Variants in RUFY4 observed in about 807,000 individuals in gnomAD.
The protein encoded by RUFY4 is RUN and FYVE domain-containing protein 4.
RUFY4 carries 73 observed loss-of-function variants against 69.0 expected under a neutral mutation model. The ratio of observed to expected loss-of-function variants is 1.06; its 90% confidence interval spans 0.88 to 1.29. The LOEUF (loss-of-function observed/expected upper bound fraction) is 1.29, where lower values mean the gene tolerates loss of function less well. Among genes scored for constraint, RUFY4 ranks in the 50% most tolerant of loss-of-function variants. The pLI is 0.00. For synonymous variants in RUFY4, 287 were observed against 271.8 expected (o/e 1.06, Z -0.55); for missense variants, 770 against 705.6 (o/e 1.09, Z -1.03).
intron 2 of RUFY4, among the ~76,000 whole-genome samples, chr2:218,045,747 C>A (rs1163827345): frequency 6.6e-6 from 1 of 151,640 alleles, no homozygotes; most frequent in Admixed American, 6.6e-5. Flanking sequence ...TTTTCTCCTT[C>A]TTTTTTAAAA....
chr2:218,062,267 A>G lies in RUFY4; in HGVS notation c.-1071+3586A>G, dbSNP rs951775643. ...ATTTTAAAAAAAAAATTAGCCGGGC[A>G]TGGTGGCGGGCACCTGTAGTCCCAG... On this transcript the variant is annotated intron_variant and NMD_transcript_variant, in intron 3 of 13. Transcript: ENST00000457754. 5.3e-5 allele frequency among the ~76,000 whole-genome samples: 8 copies of G among 152,238 alleles called. No individual in the cohort carries two copies. In the East Asian group the frequency reaches 5.8e-4, roughly 11 times the overall value.
chr2:218,073,890 C>T lies in RUFY4; in HGVS notation c.600+5C>T, dbSNP rs1344468517. ...AACAAAGATGCCCCAAAGAAGGTGCCTCTGCCCTGCCTTCACTCTGAGTTG... is the reference window on the plus strand; with the variant it reads ...AACAAAGATGCCCCAAAGAAGGTGCTTCTGCCCTGCCTTCACTCTGAGTTG... On this transcript the variant is annotated splice_donor_5th_base_variant and intron_variant, in intron 6 of 10. Coordinates refer to ENST00000344321, the Ensembl canonical transcript of RUFY4. 1.9e-6 allele frequency: 3 copies of T among 1,613,796 alleles called. No individual in the cohort carries two copies. The highest frequency in any genetic ancestry group is 1.6e-4 in the Middle Eastern group (1 of 6,062).
intron 8 of RUFY4, among the ~76,000 whole-genome samples, chr2:218,079,607 T>A (rs1437487558): frequency 6.6e-6 from 1 of 151,772 alleles, no homozygotes; most frequent in African/African-American, 2.4e-5. Flanking sequence ...GATCCTGGAG[T>A]CCTCAGAGTA....
rs376250080 is a variant in RUFY4, at chr2:218,082,004, G to A, written c.1356-1106G>A. 1.9e-4 allele frequency among the ~76,000 whole-genome samples: 29 copies of A among 152,348 alleles called. No individual in the cohort carries two copies. The South Asian group carries it at 4.3e-3, about 23-fold the overall frequency. ...CACGTACATGCATCCTGAGCGCTGG[G>A]ACTCTCACGCATGCCACCTGCCATT... On this transcript the variant is annotated intron_variant, in intron 8 of 10. Coordinates refer to ENST00000344321, the Ensembl canonical transcript of RUFY4.
intron 3 of RUFY4, among the ~76,000 whole-genome samples, chr2:218,063,980 C>T (rs1689261540): frequency 6.6e-6 from 1 of 152,126 alleles, no homozygotes; most frequent in Non-Finnish European, 1.5e-5. Flanking sequence ...CGAGGGTCCC[C>T]AAACTCTAAG....
At chr2:218,072,739 C>A in intron 3 of RUFY4, 40 bp from the exon 6 acceptor site, 1 of 1,449,656 alleles carries the variant, frequency 6.9e-7, no homozygotes, top group South Asian at 1.4e-5. Context: ...CGCCCTTTGT[C>A]CTAATACTGC....
chr2:218,077,107 G>T lies in RUFY4; in HGVS notation c.1355+574G>T, dbSNP rs1463942216. 1.3e-5 allele frequency among the ~76,000 whole-genome samples: 2 copies of T among 152,198 alleles called. 1 individual carries two copies. The highest frequency in any genetic ancestry group is 3.8e-4 in the East Asian group (2 of 5,196). On this transcript the variant is annotated intron_variant, in intron 8 of 10. Coordinates refer to ENST00000344321, the Ensembl canonical transcript of RUFY4. ...GAGGAGGAAGCTGAGGCTCAAAGAT[G>T]CTGCACAATTCACCCACCATTGGCT...
intron 8 of RUFY4, among the ~76,000 whole-genome samples, chr2:218,079,946 C>T (rs1050062018): frequency 5.9e-5 from 9 of 152,094 alleles, no homozygotes; most frequent in Admixed American, 3.9e-4. Context: ...GGGAAGGGCG[C>T]GGAGAAAGAC....
chr2:218,066,128 A>AGATGAT (rs79735977), upstream of RUFY4, among the ~76,000 whole-genome samples: 6 of 147,256 alleles, frequency 4.1e-5, no homozygotes, highest in South Asian at 4.4e-4. Context: ...ATGGTTGCTG[A>AGATGAT]GATGATGATG....
chr2:218,073,885 G>T (rs768264806), exon 6 of RUFY4: 2 of 1,613,888 alleles, frequency 1.2e-6, no homozygotes, highest in Admixed American at 1.7e-5. Flanking sequence ...CCCCAAAGAA[G>T]GTGCCTCTGC....
chr2:218,076,374 G>A (rs1451846239), intron 7 of RUFY4, 53 bp from the exon 10 acceptor site: 74 of 1,537,478 alleles, frequency 4.8e-5, no homozygotes, highest in Non-Finnish European at 6.1e-5. Flanking sequence ...CCCCAGCACT[G>A]GGGTCTCTGC....
At chr2:218,072,281 T>C in intron 2 of RUFY4, 93 bp from the exon 5 acceptor site, 1 of 1,447,022 alleles carries the variant, frequency 6.9e-7, no homozygotes. Flanking sequence ...AGGAGCCCTC[T>C]CCTCCAGTAC....
At chr2:218,059,538 CT>C (rs1354489883) in intron 3 of RUFY4, 2 of 166,910 alleles carry the variant, frequency 1.2e-5, no homozygotes, top group African/African-American at 2.4e-5. Context: ...CTGTTTATGT[CT>C]GGCTTATTTC....
At chr2:218,083,209 G>C (rs1689807954) in exon 9 of RUFY4, 1 of 1,613,186 alleles carries the variant, frequency 6.2e-7, no homozygotes, top group African/African-American at 1.3e-5. Flanking sequence ...TTGGAGGGCA[G>C]CGGGACTTGG....
chr2:218,058,840 C>G (rs1264979009), intron 3 of RUFY4, among the ~76,000 whole-genome samples: 1 of 152,078 alleles, frequency 6.6e-6, no homozygotes, highest in East Asian at 1.9e-4. Context: ...CTTACTCAAC[C>G]CTTTGCACCT....
exon 7 of RUFY4, chr2:218,075,638 A>G: frequency 2.6e-6 from 4 of 1,517,802 alleles, no homozygotes; most frequent in East Asian, 4.6e-5. Context: ...GACACGCAAC[A>G]AAGGAAGACT....
upstream of RUFY4, among the ~76,000 whole-genome samples, chr2:218,068,120 G>C (rs1689387698): frequency 8.2e-6 from 1 of 122,530 alleles, no homozygotes; most frequent in African/African-American, 2.9e-5. Flanking sequence ...CAGGGGACTG[G>C]AGGAGGGCAG....
chr2:218,070,651 G>A, exon 1 of RUFY4: 1 of 1,537,538 alleles, frequency 6.5e-7, no homozygotes, highest in Admixed American at 2.0e-5. Context: ...AGACCTAAGA[G>A]GTGAGTGTGT....
At chr2:218,075,774 G>A in intron 7 of RUFY4, 34 bp downstream of exon 9, 1 of 1,372,506 alleles carries the variant, frequency 7.3e-7, no homozygotes, top group Non-Finnish European at 9.5e-7. Flanking sequence ...CTGGTTATTT[G>A]CCCCTGTCTG....
Sources: gnomAD v4.1 joint callset for allele counts (sites outside exome capture counted in the v4.1 genomes callset) on GRCh38, gnomAD v4.1.1 for gene constraint, MANE v1.5 for transcripts, NCBI Gene and HGNC (gene_info 2026-07-23, HGNC 2026-07-21) for gene names.